The following FARS2 variants were observed in gnomAD, a reference collection of about 807,000 sequenced individuals.
FARS2 encodes the protein phenylalanine--tRNA ligase, mitochondrial.
Under a neutral mutation model 46.4 loss-of-function variants are expected in FARS2, and 40 were observed. That is an observed-to-expected ratio of 0.86 (90% CI 0.67 to 1.12). The LOEUF is 1.12. Ranked by LOEUF, FARS2 falls within the 50% of genes most tolerant of loss-of-function variation. FARS2 has a pLI of 0.00. For missense variants in FARS2, 513 were observed against 567.9 expected, an observed-to-expected ratio of 0.90 and a Z score of 0.98; for synonymous variants, 234 against 214.9, an observed-to-expected ratio of 1.09 and a Z score of -0.78.
At chr6:5,269,727 T>C (rs1159737790) in intron 1 of FARS2, among the ~76,000 whole-genome samples, 1 of 152,186 alleles carries the variant, frequency 6.6e-6, no homozygotes, top group Non-Finnish European at 1.5e-5. Flanking sequence ...TAGGTCAGTG[T>C]CTTAAGATGT....
chr6:5,593,654 G>C (rs1019184214), intron 5 of FARS2, among the ~76,000 whole-genome samples: 28 of 152,162 alleles, frequency 1.8e-4, no homozygotes, highest in Admixed American at 1.0e-3. Context: ...ACAATGGTGA[G>C]GCTCCGCAAA....
At chr6:5,430,155 A>G (rs1763080874) in intron 3 of FARS2, among the ~76,000 whole-genome samples, 1 of 152,118 alleles carries the variant, frequency 6.6e-6, no homozygotes, top group African/African-American at 2.4e-5. Flanking sequence ...AGTGTTGCCT[A>G]AAAAAAGAAG....
upstream of FARS2, chr6:5,260,809 T>A (rs1765044277): frequency 6.5e-7 from 1 of 1,529,210 alleles, no homozygotes. Context: ...AACTCCAGCC[T>A]GTGCGGAAAC....
At position 5,518,116 on chromosome 6, in the gene FARS2, G is replaced by A. The variant is rs1183445672; in HGVS notation, c.905-27064G>A. Among the ~76,000 whole-genome samples, 5 of 152,184 alleles carry A rather than the reference G, an allele frequency of 3.3e-5. No homozygotes were observed. The East Asian group carries it at 7.7e-4, about 23-fold the overall frequency. On this transcript the variant is annotated intron_variant, in intron 4 of 6. Transcript: ENST00000274680. The stretch of plus-strand genomic sequence containing the variant: ...AGCTCTAGGCTGTGTGGGTGATGGT[G>A]CACCAGGCTCCACAGCAGAGGCTGG...
intron 4 of FARS2, among the ~76,000 whole-genome samples, chr6:5,473,673 G>T (rs1005228770): frequency 1.3e-5 from 2 of 151,940 alleles, no homozygotes; most frequent in African/African-American, 4.8e-5. Context: ...TTATTCCATT[G>T]TTCTTGTTTA....
intron 6 of FARS2, among the ~76,000 whole-genome samples, chr6:5,637,103 A>G (rs1011993094): frequency 2.0e-5 from 3 of 152,260 alleles, no homozygotes; most frequent in African/African-American, 7.2e-5. Context: ...GAATAGATGC[A>G]TACAGCCCTC....
chr6:5,361,541 C>A (rs968466069), intron 1 of FARS2, among the ~76,000 whole-genome samples: 9 of 152,216 alleles, frequency 5.9e-5, no homozygotes, highest in Non-Finnish European at 1.0e-4. Flanking sequence ...CAGGAAACTG[C>A]CTGCTTATAG....
At chr6:5,650,679 G>A (rs1171092964) in intron 6 of FARS2, among the ~76,000 whole-genome samples, 4 of 152,162 alleles carry the variant, frequency 2.6e-5, no homozygotes, top group Admixed American at 6.5e-5. Context: ...GGGTTTCACC[G>A]TGTTAGCCAG....
chr6:5,401,495 T>C (rs940509139), intron 2 of FARS2, among the ~76,000 whole-genome samples: 3 of 152,192 alleles, frequency 2.0e-5, no homozygotes, highest in African/African-American at 7.2e-5. Flanking sequence ...CATATAACAA[T>C]TGGATATTAG....
intron 4 of FARS2, among the ~76,000 whole-genome samples, chr6:5,540,647 C>G (rs1770569866): frequency 6.6e-6 from 1 of 152,214 alleles, no homozygotes; most frequent in Non-Finnish European, 1.5e-5. Flanking sequence ...ATGGAGTAGT[C>G]AATACTGTGT....
chr6:5,283,683 T>G (rs1766914830), intron 1 of FARS2, among the ~76,000 whole-genome samples: 1 of 152,194 alleles, frequency 6.6e-6, no homozygotes, highest in Non-Finnish European at 1.5e-5. Context: ...ATAAACTACA[T>G]TTATATCGCA....
intron 6 of FARS2, among the ~76,000 whole-genome samples, chr6:5,733,260 G>A (rs1445768568): frequency 2.6e-5 from 4 of 152,102 alleles, no homozygotes; most frequent in African/African-American, 9.7e-5. Flanking sequence ...TTTCTACTGT[G>A]TAATTAAAAA....
chr6:5,326,159 A>G (rs1435623346), intron 1 of FARS2, among the ~76,000 whole-genome samples: 2 of 152,224 alleles, frequency 1.3e-5, no homozygotes, highest in African/African-American at 2.4e-5. Flanking sequence ...GACTGGCCCA[A>G]TATGGCTGAA....
At chr6:5,686,913 A>G (rs1387331924) in intron 6 of FARS2, among the ~76,000 whole-genome samples, 3 of 152,198 alleles carry the variant, frequency 2.0e-5, no homozygotes, top group Non-Finnish European at 2.9e-5. Context: ...GTGAGATGGT[A>G]TCTCATTGTG....
chr6:5,682,740 C>G (rs1779097465), intron 6 of FARS2, among the ~76,000 whole-genome samples: 1 of 152,172 alleles, frequency 6.6e-6, no homozygotes, highest in African/African-American at 2.4e-5. Context: ...CATGGAGCTT[C>G]CAGGCATTGC....
chr6:5,332,839 A>C (rs1770890687), intron 1 of FARS2, among the ~76,000 whole-genome samples: 1 of 152,218 alleles, frequency 6.6e-6, no homozygotes, highest in African/African-American at 2.4e-5. Flanking sequence ...CATTAGAATC[A>C]AGACAAGGAT....
intron 1 of FARS2, among the ~76,000 whole-genome samples, chr6:5,265,210 G>C (rs1280541384): frequency 1.3e-5 from 2 of 152,192 alleles, no homozygotes; most frequent in Non-Finnish European, 2.9e-5. Flanking sequence ...GCTTTCCATC[G>C]TAGAAGGTGT....
At chr6:5,602,645 CAAAAAAAAA>C (rs55712653) in intron 5 of FARS2, among the ~76,000 whole-genome samples, 1,463 of 72,216 alleles carry the variant, frequency 0.02, 35 homozygotes, top group African/African-American at 0.056. Flanking sequence ...GACTCCGTCT[CAAAAAAAAA>C]AAAAAAAAAA....
At chr6:5,377,026 G>T (rs1759425414) in intron 2 of FARS2, among the ~76,000 whole-genome samples, 1 of 152,178 alleles carries the variant, frequency 6.6e-6, no homozygotes, top group African/African-American at 2.4e-5. Flanking sequence ...AGGATTTTGA[G>T]ACTTACATGT....
Sources: gnomAD v4.1 joint callset for allele counts (sites outside exome capture counted in the v4.1 genomes callset) on GRCh38, gnomAD v4.1.1 for gene constraint, MANE v1.5 for transcripts, NCBI Gene and HGNC (gene_info 2026-07-23, HGNC 2026-07-21) for gene names.